The following PCDHGA7 variants were observed in gnomAD, a reference collection of about 807,000 sequenced individuals.
The protein encoded by PCDHGA7 is protocadherin gamma-A7.
In PCDHGA7, 44 loss-of-function variants were observed where a neutral mutation model predicts 58.3. The ratio of observed to expected loss-of-function variants is 0.75; its 90% CI spans 0.59 to 0.97. PCDHGA7 has a LOEUF of 0.97. Ranked by LOEUF, PCDHGA7 falls within the 50% of genes least tolerant of loss-of-function variation. PCDHGA7 has a pLI of 0.00. For missense variants in PCDHGA7, 1,266 were observed against 1,188.7 expected, an observed-to-expected ratio of 1.06 and a Z score of -0.96; for synonymous variants, 516 against 504.2, an observed-to-expected ratio of 1.02 and a Z score of -0.31.
intron 1 of PCDHGA7, among the ~76,000 whole-genome samples, chr5:141,401,572 C>T (rs1013014550): frequency 3.3e-5 from 5 of 152,268 alleles, no homozygotes; most frequent in Middle Eastern, 3.4e-3. Flanking sequence ...TTCTCTTGCT[C>T]GGAATCCTGA....
intron 1 of PCDHGA7, chr5:141,392,964 G>C (rs772870041): frequency 1.4e-5 from 23 of 1,613,902 alleles, no homozygotes; most frequent in Non-Finnish European, 1.9e-5. Flanking sequence ...TATCTCCAAG[G>C]ACCTGGGGCT....
rs1561748501 is a variant in PCDHGA7 at position 141,414,351 on chromosome 5, G to GT, written c.2424+29029dup. On this transcript the variant is annotated intron_variant, in intron 1 of 3. Coordinates refer to ENST00000518325, the MANE Select transcript of PCDHGA7 (RefSeq NM_018920.4). ...GACAGGTAACCTGTTCCATTTTGGC[G>GT]TATCTACCATTTAAATTAGAAAAGT... 2.5e-6 allele frequency: 4 copies of GT among 1,613,794 alleles called. No individual in the cohort carries two copies. The South Asian group carries it at 3.3e-5, about 13-fold the overall frequency.
At chr5:141,399,398 G>T (rs1374441258) in intron 1 of PCDHGA7, 4 of 1,613,854 alleles carry the variant, frequency 2.5e-6, no homozygotes, top group Non-Finnish European at 3.4e-6. Flanking sequence ...ACAGACAGGG[G>T]CAAGCCGCCC....
intron 1 of PCDHGA7, chr5:141,410,447 C>T (rs760711107): frequency 3.1e-6 from 5 of 1,613,984 alleles, no homozygotes; most frequent in African/African-American, 2.7e-5. Context: ...GGGGACTTTG[C>T]CTTATTCTTA....
chr5:141,422,513 G>T, intron 1 of PCDHGA7: 2 of 1,614,000 alleles, frequency 1.2e-6, no homozygotes, highest in Non-Finnish European at 1.7e-6. Context: ...ACAGACCAGG[G>T]AAGCCCGCCT....
At chr5:141,427,960 G>C (rs759698390) in intron 1 of PCDHGA7, 7 of 1,589,168 alleles carry the variant, frequency 4.4e-6, no homozygotes, top group South Asian at 1.1e-5. Flanking sequence ...AATGTGCCGC[G>C]GGTGCTGTAC....
chr5:141,501,970 T>C (rs2099812082), intron 2 of PCDHGA7, among the ~76,000 whole-genome samples: 1 of 152,068 alleles, frequency 6.6e-6, no homozygotes. Flanking sequence ...TCCTAACCTC[T>C]GGCATCTGGT....
chr5:141,427,260 AC>A (rs1388196814), intron 1 of PCDHGA7: 1 of 456,770 alleles, frequency 2.2e-6, no homozygotes, highest in Admixed American at 2.3e-5. Flanking sequence ...TGGAGGCATG[AC>A]CAGCGAATGT....
Position 141,423,176 on chromosome 5 carries a change from A to C in PCDHGA7, c.2424+37853A>C, listed in dbSNP as rs781125798. Reference sequence around the variant, plus strand: ...AGCCTCGTGGTGGCCGTCCAGGACCACGGCCAGCCCCCTCTCTCGGCCACC... The same window carrying C: ...AGCCTCGTGGTGGCCGTCCAGGACCCCGGCCAGCCCCCTCTCTCGGCCACC... On this transcript the variant is annotated intron_variant, in intron 1 of 3. Transcript: ENST00000518325. 1.7e-5 allele frequency: 28 copies of C among 1,613,356 alleles called. No homozygotes were observed. In the African/African-American group the frequency reaches 3.6e-4, roughly 21 times the overall value.
chr5:141,404,909 CCT>C (rs1243432357), intron 1 of PCDHGA7: 1 of 1,613,798 alleles, frequency 6.2e-7, no homozygotes, highest in Admixed American at 1.7e-5. Flanking sequence ...TGGCCAGCCC[CCT>C]CTCTCGGCCA....
At chr5:141,441,764 C>T (rs1407504024) in intron 1 of PCDHGA7, 1 of 384,478 alleles carries the variant, frequency 2.6e-6, no homozygotes, top group South Asian at 2.1e-5. Context: ...TGAGCCTGCG[C>T]GTGTTGGTGG....
intron 1 of PCDHGA7, among the ~76,000 whole-genome samples, chr5:141,444,095 T>C (rs1012556994): frequency 2.0e-5 from 3 of 150,676 alleles, no homozygotes; most frequent in Admixed American, 1.3e-4. Flanking sequence ...CTGCTAAGGA[T>C]TGGAAACCAA....
At chr5:141,506,735 G>A (rs1467217136) in intron 3 of PCDHGA7, among the ~76,000 whole-genome samples, 1 of 152,098 alleles carries the variant, frequency 6.6e-6, no homozygotes, top group Non-Finnish European at 1.5e-5. Context: ...TTAGAATAAT[G>A]CCTATTAATA....
intron 1 of PCDHGA7, among the ~76,000 whole-genome samples, chr5:141,459,312 G>A (rs968359414): frequency 6.6e-6 from 1 of 152,084 alleles, no homozygotes; most frequent in African/African-American, 2.4e-5. Flanking sequence ...ATACTATTTT[G>A]TATCCATCTT....
At chr5:141,389,463 G>A (rs1201903320) in intron 1 of PCDHGA7, 7 of 1,613,192 alleles carry the variant, frequency 4.3e-6, no homozygotes, top group South Asian at 1.1e-5. Context: ...GCGCGCCTTC[G>A]AACTCACACT....
In PCDHGA7 at chr5:141,477,029, A is replaced by C; in HGVS notation, c.2425-17778A>C. 6.2e-7 allele frequency: 1 copy of C among 1,614,238 alleles called. No homozygotes were observed. The highest frequency in any genetic ancestry group is 8.5e-7 in the Non-Finnish European group (1 of 1,180,040). Reference sequence around the variant, plus strand: ...CTTAGACCTTGTAACCGGGATGCTGACAATCAAGGGTCGGCTGGACTTCGA... The same window carrying C: ...CTTAGACCTTGTAACCGGGATGCTGCCAATCAAGGGTCGGCTGGACTTCGA... On this transcript the variant is annotated intron_variant, in intron 1 of 3. Transcript: ENST00000518325. This position sits in a 1 kb window ranked among gnomAD's most constrained non-coding sequence, Gnocchi z 4.9.
rs773899530 is a variant in PCDHGA7 at position 141,494,864 on chromosome 5, G to A, written c.2482G>A (p.Gly828Ser). 1.6e-5 allele frequency: 26 copies of A among 1,613,950 alleles called. No individual in the cohort carries two copies. The Admixed American group carries it at 3.5e-4, about 22-fold the overall frequency. Reference protein sequence around the residue: ...FSQAQRPGTSGSQNGDDTGTW... With the variant: ...FSQAQRPGTSSSQNGDDTGTW... ...TCAGGCCCAGAGACCCGGCACCAGC[G>A]GGTAGGTGACTGATTCTCCAGCCCA... Residue 828 changes from glycine to serine, a missense_variant and splice_region_variant, in exon 2 of 4, where the codon GGC (glycine) becomes AGC (serine). Gly to Ser is a moderately conservative substitution (Grantham distance 56, BLOSUM62 0). Coordinates refer to ENST00000518325, the MANE Select transcript of PCDHGA7 (RefSeq NM_018920.4).
chr5:141,466,686 T>G (rs112499949), intron 1 of PCDHGA7, among the ~76,000 whole-genome samples: 2 of 152,352 alleles, frequency 1.3e-5, no homozygotes, highest in African/African-American at 4.8e-5. Flanking sequence ...CCACTCAAGC[T>G]TCATCATAAA....
In PCDHGA7 at chr5:141,431,150, C is replaced by A. The variant is rs1007532359; in HGVS notation, c.2424+45827C>A. On this transcript the variant is annotated intron_variant, in intron 1 of 3. Transcript: ENST00000518325. The surrounding 1 kb of genome is among the most constrained non-coding windows in gnomAD (Gnocchi z 4.8). ...AGTAAGGGACATTAACGACAATGCGCCTTACTTTCGTGAAAGTGAATTAGA... is the reference window on the plus strand; with the variant it reads ...AGTAAGGGACATTAACGACAATGCGACTTACTTTCGTGAAAGTGAATTAGA... The A allele has an allele frequency of 1.2e-6, 2 of 1,614,226 alleles. No individual in the cohort carries two copies. The highest frequency in any genetic ancestry group is 1.7e-6 in the Non-Finnish European group (2 of 1,180,030).
Sources: allele counts gnomAD v4.1 joint callset (sites outside exome capture counted in the v4.1 genomes callset), GRCh38; gene constraint gnomAD v4.1.1; non-coding constraint Gnocchi (gnomAD v3.1); transcripts MANE v1.5; gene names NCBI Gene and HGNC (gene_info 2026-07-23, HGNC 2026-07-21).